Variants in STARD9 observed in about 807,000 individuals in gnomAD.
STARD9 encodes stAR-related lipid transfer protein 9.
STARD9 carries 346 observed loss-of-function variants against 399.8 expected under a neutral mutation model. The observed-to-expected ratio is 0.87, with a 90% CI of 0.79 to 0.95. The LOEUF is 0.95. Ranked by LOEUF, STARD9 falls within the 40% of genes least tolerant of loss-of-function variation. The pLI, the probability that STARD9 is intolerant of heterozygous loss-of-function variation, is 0.00. For synonymous variants in STARD9, 2,203 were observed against 2,143.5 expected, an observed-to-expected ratio of 1.03 and a Z score of -0.77; for missense variants, 5,832 against 5,667.5, an observed-to-expected ratio of 1.03 and a Z score of -0.93.
intron 3 of STARD9, among the ~76,000 whole-genome samples, chr15:42,623,121 G>A (rs1358406829): frequency 6.6e-6 from 1 of 152,158 alleles, no homozygotes; most frequent in Non-Finnish European, 1.5e-5. Context: ...GTGTGGTGGT[G>A]CATGCCTGTA....
chr15:42,694,104 C>T lies in STARD9; in HGVS notation c.12526C>T (p.Gln4176Ter). ...TGATCTCAGCTCTGAAAAGCAGGAA[C>T]AGAGTCCCCCACAACCTCCTAATGA... ...SGDLSSEKQE[Q>*]SPPQPPNDHS... The change falls in exon 23 of 33, where the codon CAG becomes TAG. Residue 4176 changes from glutamine (Q) to a stop codon, truncating the protein, a stop_gained. Coordinates refer to ENST00000290607, the MANE Select transcript of STARD9 (RefSeq NM_020759.3). LOFTEE classifies it high-confidence loss of function. 6.5e-7 allele frequency: 1 copy of T among 1,537,050 alleles called. No individual in the cohort carries two copies. The highest frequency in any genetic ancestry group is 1.4e-5 in the African/African-American group (1 of 73,166).
intron 14 of STARD9, 82 bp downstream of exon 14, chr15:42,665,412 C>T: frequency 9.0e-7 from 1 of 1,108,530 alleles, no homozygotes; most frequent in Non-Finnish European, 1.3e-6. Flanking sequence ...AGTCTGGGCC[C>T]TGCTGCATTC....
Position 42,685,237 on chromosome 15 carries a change from A to G in STARD9, c.3659A>G (p.Glu1220Gly). 6.5e-7 allele frequency: 1 copy of G among 1,537,366 alleles called. No homozygotes were observed. The highest frequency in any genetic ancestry group is 1.2e-5 in the South Asian group (1 of 84,052). ...AEEELGEDQQ[E>G]EPFPGSADEI... ...GAAGAACTGGGGGAAGATCAGCAAG[A>G]AGAACCTTTCCCTGGTTCAGCTGAC... The change falls in exon 23 of 33, where the codon GAA becomes GGA. Residue 1220 changes from glutamate to glycine, a missense_variant. By Grantham distance (98) the Glu-to-Gly change is moderately conservative. This residue lies in a region of STARD9 where 5,828 missense variants were observed against 5,651.1 expected (regional missense o/e 1.03). Transcript: ENST00000290607.
chr15:42,690,198 G>A lies in STARD9; in HGVS notation c.8620G>A (p.Val2874Met), dbSNP rs1201342410. Residue 2874 changes from valine (V) to methionine (M), a missense_variant, in exon 23 of 33, where the codon GTG becomes ATG. Coordinates refer to ENST00000290607, the MANE Select transcript of STARD9 (RefSeq NM_020759.3). ...ACTGGAAGCTCCCACACAGCAGTGT[G>A]TGCAGTGTAAGGAGAGTGTTGGGTC... ...VALEAPTQQCVQCKESVGSGL... is the reference protein window; with the variant it reads ...VALEAPTQQCMQCKESVGSGL... 2.0e-6 allele frequency: 3 copies of A among 1,537,562 alleles called. No individual in the cohort carries two copies. The highest frequency in any genetic ancestry group is 2.6e-6 in the Non-Finnish European group (3 of 1,146,936).
intron 3 of STARD9, among the ~76,000 whole-genome samples, chr15:42,598,903 G>T (rs962012988): frequency 1.3e-5 from 2 of 151,952 alleles, no homozygotes; most frequent in Non-Finnish European, 2.9e-5. Flanking sequence ...TATATTTGGG[G>T]TCTCTGTTTT....
chr15:42,667,769 A>G (rs997688734), intron 15 of STARD9, among the ~76,000 whole-genome samples: 1 of 152,156 alleles, frequency 6.6e-6, no homozygotes, highest in Non-Finnish European at 1.5e-5. Flanking sequence ...GTGAGCCACC[A>G]CACCCGGCAG....
intron 3 of STARD9, among the ~76,000 whole-genome samples, chr15:42,623,316 CCA>C (rs1319478422): frequency 2.0e-5 from 3 of 152,140 alleles, no homozygotes; most frequent in Admixed American, 6.5e-5. Flanking sequence ...CTACCTCAGG[CCA>C]CAGTCATTTT....
intron 3 of STARD9, among the ~76,000 whole-genome samples, chr15:42,609,096 C>A (rs1363456858): frequency 6.6e-6 from 1 of 151,988 alleles, no homozygotes; most frequent in African/African-American, 2.4e-5. Context: ...ACTCCTGGGA[C>A]TGCTGCTCTT....
At chr15:42,666,179 T>C (rs775529769) in intron 15 of STARD9, among the ~76,000 whole-genome samples, 2 of 152,242 alleles carry the variant, frequency 1.3e-5, no homozygotes, top group African/African-American at 2.4e-5. Context: ...AGCATGATGC[T>C]GCAAGAGGTA....
Position 42,638,802 on chromosome 15 carries a change from C to T in STARD9, c.549C>T (p.Pro183=). ...LRVREHPEMG[P]YVQGLSQHVV... Reference sequence around the variant, plus strand: ...TCAGGGAGCATCCAGAGATGGGGCCCTATGTACAAGGTGAGCTACTGTGGT... The same window carrying T: ...TCAGGGAGCATCCAGAGATGGGGCCTTATGTACAAGGTGAGCTACTGTGGT... The change falls in exon 7 of 33, where the codon CCC becomes CCT. Residue 183 remains proline (P), a synonymous_variant. Transcript: ENST00000290607. 1 of 1,531,834 alleles carries T rather than the reference C, an allele frequency of 6.5e-7. No homozygotes were observed. Among genetic ancestry groups the T allele is most frequent in the Admixed American group, 2.0e-5 (1 of 50,538 alleles). The allele number at this position is 1,531,834 out of a possible 1,614,324, so 94.9% of individuals were successfully genotyped here.
Position 42,594,562 on chromosome 15 carries a change from A to G in STARD9, c.234+8925A>G, listed in dbSNP as rs2058466803. ...TTCCAGAATATTAATACTGGAAGAA[A>G]TGTTAAGAGACCATTCAAGATACTT... is the stretch of plus-strand genomic sequence containing the variant. On this transcript the variant is annotated intron_variant, in intron 3 of 32. Coordinates refer to ENST00000290607, the MANE Select transcript of STARD9 (RefSeq NM_020759.3). Among the ~76,000 whole-genome samples, 3 of 152,254 alleles carry G rather than the reference A, an allele frequency of 2.0e-5. No homozygotes were observed. In the South Asian group the frequency reaches 6.2e-4, roughly 32 times the overall value.
intron 16 of STARD9, chr15:42,673,860 C>G: frequency 2.2e-6 from 1 of 454,536 alleles, no homozygotes; most frequent in Non-Finnish European, 4.4e-6. Flanking sequence ...CTCTCTTACA[C>G]TCTCTTCCAG....
At chr15:42,700,592 G>A (rs2060945224) in intron 26 of STARD9, among the ~76,000 whole-genome samples, 1 of 152,062 alleles carries the variant, frequency 6.6e-6, no homozygotes, top group African/African-American at 2.4e-5. Context: ...TGAGAAATGT[G>A]AAATCAGGTT....
chr15:42,591,923 A>G (rs1054813801), intron 3 of STARD9, among the ~76,000 whole-genome samples: 7 of 152,202 alleles, frequency 4.6e-5, no homozygotes, highest in African/African-American at 1.7e-4. Flanking sequence ...TCCATTTTGT[A>G]GATAAGGAAA....
At chr15:42,585,715 C>T in intron 3 of STARD9, 78 bp downstream of exon 3, 1 of 963,614 alleles carries the variant, frequency 1.0e-6, no homozygotes, top group Non-Finnish European at 1.6e-6. Flanking sequence ...TATAAAGATA[C>T]TTTGCAAGGT....
chr15:42,578,554 C>A (rs770714784), intron 1 of STARD9, among the ~76,000 whole-genome samples: 4 of 152,044 alleles, frequency 2.6e-5, no homozygotes, highest in Non-Finnish European at 2.9e-5. Context: ...CACATCTGAT[C>A]TGCCAATACT....
At chr15:42,626,492 CTCT>C (rs1313497723) in intron 3 of STARD9, among the ~76,000 whole-genome samples, 16 of 148,396 alleles carry the variant, frequency 1.1e-4, no homozygotes, top group Non-Finnish European at 3.0e-5. Context: ...CTTCCTCTTC[CTCT>C]TCTTTTTTTT....
intron 9 of STARD9, among the ~76,000 whole-genome samples, chr15:42,656,904 G>A (rs2059885950): frequency 6.6e-6 from 1 of 152,114 alleles, no homozygotes; most frequent in Non-Finnish European, 1.5e-5. Flanking sequence ...ATTGGGTACA[G>A]GGTACACTGT....
chr15:42,593,755 C>G (rs1170363782), intron 3 of STARD9, among the ~76,000 whole-genome samples: 2 of 148,602 alleles, frequency 1.3e-5, no homozygotes, highest in Non-Finnish European at 3.0e-5. Context: ...GCTCTGCCTC[C>G]CAGGTCCACG....
Sources: gnomAD v4.1 joint callset for allele counts (sites outside exome capture counted in the v4.1 genomes callset) on GRCh38, gnomAD v4.1.1 for gene constraint, gnomAD v4.1.1 regional missense constraint, MANE v1.5 for transcripts, NCBI Gene and HGNC (gene_info 2026-07-23, HGNC 2026-07-21) for gene names.